The following KCTD1 variants were observed in gnomAD, a reference collection of about 807,000 sequenced individuals.
The protein encoded by KCTD1 is BTB/POZ domain-containing protein KCTD1.
In KCTD1, 24 loss-of-function variants were observed where a neutral mutation model predicts 66.0. The ratio of observed to expected loss-of-function variants is 0.36; its 90% confidence interval spans 0.26 to 0.51. KCTD1 has a LOEUF of 0.51. Ranked by LOEUF, KCTD1 falls within the 20% of genes least tolerant of loss-of-function variation. The probability of loss-of-function intolerance (pLI) is 0.95; values close to 1 mark genes in which losing one functional copy is unlikely to be tolerated. For synonymous variants in KCTD1, 511 were observed against 517.2 expected (o/e 0.99, Z 0.16); for missense variants, 943 against 1,205.2 (o/e 0.78, Z 3.22).
At chr18:26,560,954 T>C (rs1281277478) in intron 1 of KCTD1, among the ~76,000 whole-genome samples, 2 of 152,228 alleles carry the variant, frequency 1.3e-5, no homozygotes, top group Non-Finnish European at 2.9e-5. Flanking sequence ...TGTACAAGGG[T>C]GCTCTTGAAG....
chr18:26,532,261 C>CT (rs533359603), intron 1 of KCTD1, among the ~76,000 whole-genome samples: 1,680 of 29,544 alleles, frequency 0.057, 53 homozygotes, highest in Middle Eastern at 0.1. Flanking sequence ...TTCTTTCCTT[C>CT]TTTTTTTTTT....
At chr18:26,520,897 C>T (rs1469183107) in intron 1 of KCTD1, among the ~76,000 whole-genome samples, 2 of 152,232 alleles carry the variant, frequency 1.3e-5, no homozygotes, top group African/African-American at 2.4e-5. Context: ...GTTCAGAGAG[C>T]TGAGCTCCTG....
intron 1 of KCTD1, among the ~76,000 whole-genome samples, chr18:26,580,788 CATAA>C (rs1986335476): frequency 1.3e-5 from 2 of 152,104 alleles, no homozygotes; most frequent in Non-Finnish European, 2.9e-5. Flanking sequence ...GCCAAAAATG[CATAA>C]ATAAACAGAT....
At chr18:26,548,678 C>G, upstream of KCTD1, 1 of 1,046,944 alleles carries the variant, frequency 9.6e-7, no homozygotes, top group Non-Finnish European at 1.2e-6. Flanking sequence ...ATTGTCATTC[C>G]CGAGCGCAGC....
At chr18:26,494,506 C>G (rs1350071252) in intron 2 of KCTD1, among the ~76,000 whole-genome samples, 2 of 151,992 alleles carry the variant, frequency 1.3e-5, no homozygotes, top group East Asian at 3.9e-4. Context: ...CTTTTTTGTT[C>G]CCTAGTGGCA....
At chr18:26,458,595 A>C (rs1980231219) in intron 4 of KCTD1, 1 of 152,338 alleles carries the variant, frequency 6.6e-6, no homozygotes. Flanking sequence ...GCCATGGCCC[A>C]GGGTAGGGCA....
At chr18:26,572,938 CTAAGT>C (rs1221430974) in intron 1 of KCTD1, among the ~76,000 whole-genome samples, 2 of 151,974 alleles carry the variant, frequency 1.3e-5, no homozygotes, top group African/African-American at 4.8e-5. Context: ...AAGTAGACAA[CTAAGT>C]TAATAGTTGA....
At chr18:26,571,136 A>G (rs941782779) in intron 1 of KCTD1, among the ~76,000 whole-genome samples, 4 of 134,658 alleles carry the variant, frequency 3.0e-5, no homozygotes, top group African/African-American at 7.4e-5. Context: ...TGAATATGAA[A>G]AAAAGTCTTT....
chr18:26,593,658 AGAG>A lies in KCTD1; in HGVS notation c.-16+35486_-16+35488del, dbSNP rs1364048625. Among the ~76,000 whole-genome samples the A allele has an allele frequency of 6.4e-4, 40 of 62,178 alleles. 2 individuals carry two copies. The highest frequency in any genetic ancestry group is 1.9e-4 in the Non-Finnish European group (6 of 30,944). The allele number at this position is 62,178 out of a possible 152,430, so 40.8% of individuals were successfully genotyped here. A position where few individuals can be genotyped will look rare whatever the true frequency, so the allele number is the denominator to read the frequency against. On this transcript the variant is annotated intron_variant, in intron 1 of 4. Coordinates refer to the KCTD1 transcript ENST00000317932. ...AGGAGGAAGAGAAGGAAGAGGAGGAAGAGGAGGAGGAGGAAGATGAGGAGGAGG... is the reference window on the plus strand; with the variant it reads ...AGGAGGAAGAGAAGGAAGAGGAGGAAGAGGAGGAGGAAGATGAGGAGGAGG...
rs754768586 is a variant in KCTD1 at position 26,455,633 on chromosome 18, G to A, written c.*110C>T. ...TTGGATATAAATGTGTCTTTTATTC[G>A]ATTTTACGTCCAGGACTTGGTTTGC... On this transcript the variant is annotated 3_prime_UTR_variant, in exon 5 of 5. Coordinates refer to ENST00000580059, the MANE Select transcript of KCTD1 (RefSeq NM_001142730.3). 1.4e-5 allele frequency: 19 copies of A among 1,385,022 alleles called. No individual in the cohort carries two copies. The Admixed American group carries it at 1.9e-4, about 14-fold the overall frequency. The allele number at this position is 1,385,022 out of a possible 1,614,324, so 85.8% of individuals were successfully genotyped here.
At chr18:26,645,807 GGGAAC>G (rs57651827) in intron 1 of KCTD1, among the ~76,000 whole-genome samples, 7,438 of 152,140 alleles carry the variant, frequency 0.049, 327 homozygotes, top group African/African-American at 0.11. Flanking sequence ...AGCATCCATT[GGGAAC>G]CTGCTAGAAA....
chr18:26,485,732 C>T (rs1285873623), intron 2 of KCTD1, among the ~76,000 whole-genome samples: 2 of 152,034 alleles, frequency 1.3e-5, no homozygotes, highest in African/African-American at 4.8e-5. Context: ...GCCCCACAGC[C>T]CACGCCCACC....
chr18:26,566,524 A>G (rs1985984129), intron 1 of KCTD1: 1 of 152,246 alleles, frequency 6.6e-6, no homozygotes, highest in African/African-American at 2.4e-5. Flanking sequence ...CTGAGAAGAC[A>G]GCTCTAGAAT....
chr18:26,622,460 G>A (rs1987406808), intron 1 of KCTD1, among the ~76,000 whole-genome samples: 1 of 152,136 alleles, frequency 6.6e-6, no homozygotes, highest in South Asian at 2.1e-4. Flanking sequence ...GCCTGCTGGT[G>A]GGTAGCACAC....
At chr18:26,527,778 T>TAAA (rs2144765824) in intron 1 of KCTD1, among the ~76,000 whole-genome samples, 1 of 152,332 alleles carries the variant, frequency 6.6e-6, no homozygotes, top group African/African-American at 2.4e-5. Flanking sequence ...GAACTCTACA[T>TAAA]AATTTTTGTT....
chr18:26,461,807 T>A (rs1242110280), intron 3 of KCTD1, among the ~76,000 whole-genome samples: 1 of 152,200 alleles, frequency 6.6e-6, no homozygotes, highest in Non-Finnish European at 1.5e-5. Context: ...CAAGGAAGGA[T>A]CTAGACTCCA....
At chr18:26,471,987 G>C (rs1325392908) in intron 3 of KCTD1, among the ~76,000 whole-genome samples, 1 of 152,156 alleles carries the variant, frequency 6.6e-6, no homozygotes, top group Non-Finnish European at 1.5e-5. Flanking sequence ...TGCGCTGACA[G>C]ATCACACGTG....
At chr18:26,576,610 T>A (rs1183950879) in intron 1 of KCTD1, among the ~76,000 whole-genome samples, 21 of 152,198 alleles carry the variant, frequency 1.4e-4, no homozygotes, top group Admixed American at 1.4e-3. Context: ...TCGTTCCTCA[T>A]CAATCCCACC....
At chr18:26,535,971 CAAAA>C (rs36119174) in intron 1 of KCTD1, among the ~76,000 whole-genome samples, 61 of 122,776 alleles carry the variant, frequency 5.0e-4, no homozygotes, top group Non-Finnish European at 7.0e-4. Flanking sequence ...GTGATTCCTC[CAAAA>C]AAAAAAAAAA....
Sources: gnomAD v4.1 joint callset for allele counts (sites outside exome capture counted in the v4.1 genomes callset) on GRCh38, gnomAD v4.1.1 for gene constraint, MANE v1.5 for transcripts, NCBI Gene and HGNC (gene_info 2026-07-23, HGNC 2026-07-21) for gene names.